Variants in RYR3 observed in about 807,000 individuals in gnomAD.
RYR3 encodes the protein brain ryanodine receptor-calcium release channel.
A neutral mutation model predicts 584.3 loss-of-function variants in RYR3; 207 were observed. That is an observed-to-expected ratio of 0.35 (90% CI 0.32 to 0.40). The LOEUF is 0.40. Among genes scored for constraint, RYR3 ranks in the 10% least tolerant of loss-of-function variants. RYR3 has a pLI of 1.00. For synonymous variants in RYR3, 2,416 were observed against 2,248.5 expected (o/e 1.07, Z -2.11); for missense variants, 5,616 against 6,089.2 (o/e 0.92, Z 2.59).
Position 33,826,659 on chromosome 15 carries a change from C to T in RYR3, c.11165-13C>T. On this transcript the variant is annotated splice_polypyrimidine_tract_variant and intron_variant, in intron 83 of 103. Transcript: ENST00000634891. ...AGCCAAACCAATGCTCATCAACGTT[C>T]TGTGTTTTCAAGGTGAAAAAGTACT... 6.2e-7 allele frequency: 1 copy of T among 1,608,572 alleles called. No individual in the cohort carries two copies. Among genetic ancestry groups the T allele is most frequent in the Non-Finnish European group, 8.5e-7 (1 of 1,174,980 alleles).
chr15:33,550,006 C>T (rs547076415), intron 9 of RYR3, among the ~76,000 whole-genome samples, 154 bp from the exon 10 acceptor site: 1 of 152,316 alleles, frequency 6.6e-6, no homozygotes, highest in Non-Finnish European at 1.5e-5. Flanking sequence ...GACATGAAAT[C>T]CTACAGCAAG....
intron 100 of RYR3, among the ~76,000 whole-genome samples, chr15:33,860,051 A>G (rs963670016): frequency 1.3e-5 from 2 of 152,092 alleles, no homozygotes; most frequent in Middle Eastern, 3.2e-3. Flanking sequence ...TTTTCTTCCC[A>G]GAGAGGGAGG....
chr15:33,509,623 T>C (rs1350500434), intron 3 of RYR3, among the ~76,000 whole-genome samples: 2 of 152,192 alleles, frequency 1.3e-5, no homozygotes, highest in African/African-American at 4.8e-5. Context: ...TTCATAAGAT[T>C]TCCTTTTTAA....
chr15:33,595,743 C>T (rs534763803), intron 16 of RYR3, among the ~76,000 whole-genome samples: 1 of 152,176 alleles, frequency 6.6e-6, no homozygotes, highest in East Asian at 1.9e-4. Context: ...GGAGTTAGAG[C>T]CCTGTAACTC....
rs191037989 is a variant in RYR3 at position 33,560,614 on chromosome 15, C to T, written c.973-2223C>T. 5.8e-4 allele frequency among the ~76,000 whole-genome samples: 89 copies of T among 152,150 alleles called. 1 individual carries two copies. Among genetic ancestry groups the T allele is most frequent in the African/African-American group, 1.6e-3 (65 of 41,514 alleles). ...AGTTGTGGTGTGCATAATTTTTAAGCACTGCATTAGCTATGGTTAGAGAGC... is the reference window on the plus strand; with the variant it reads ...AGTTGTGGTGTGCATAATTTTTAAGTACTGCATTAGCTATGGTTAGAGAGC... On this transcript the variant is annotated intron_variant, in intron 10 of 103. Coordinates refer to ENST00000634891, the MANE Select transcript of RYR3 (RefSeq NM_001036.6).
Position 33,631,264 on chromosome 15 carries a change from G to C in RYR3, c.2838G>C (p.Glu946Asp), listed in dbSNP as rs1418085121. 1 of 1,589,360 alleles carries C rather than the reference G, an allele frequency of 6.3e-7. No homozygotes were observed. Among genetic ancestry groups the C allele is most frequent in the African/African-American group, 1.3e-5 (1 of 74,504 alleles). Residue 946 changes from glutamate to aspartate, a missense_variant, in exon 23 of 104, where the codon GAG becomes GAC. By Grantham distance (45) the Glu-to-Asp change is conservative. Around this residue, in one of 9 missense-constraint regions of RYR3, gnomAD observed 1,284 missense variants for 1,344.6 expected, o/e 0.95. Transcript: ENST00000634891. ...CTCATGTTAACCCAGCTGCTGAGGA[G>C]GATCTCAAGAAGGTCAAACTGCCCA... is the stretch of plus-strand genomic sequence containing the variant. ...HIAHVNPAAE[E>D]DLKKVKLPKN...
chr15:33,598,392 GTTTT>G (rs1179541238), intron 16 of RYR3, among the ~76,000 whole-genome samples: 1 of 147,158 alleles, frequency 6.8e-6, no homozygotes, highest in Non-Finnish European at 1.5e-5. Flanking sequence ...CTTTAAAAAA[GTTTT>G]TTTTTAAATC....
chr15:33,701,197 T>A, intron 42 of RYR3, 117 bp downstream of exon 42: 2 of 649,790 alleles, frequency 3.1e-6, no homozygotes, highest in Non-Finnish European at 2.7e-6. Context: ...TTGGTGGGCT[T>A]GTAGGGAAAG....
At chr15:33,808,848 C>T (rs114566845) in intron 70 of RYR3, among the ~76,000 whole-genome samples, 4,724 of 152,204 alleles carry the variant, frequency 0.031, 245 homozygotes, top group African/African-American at 0.11. Flanking sequence ...ACTGCCCCTC[C>T]CACTGCTGTC....
chr15:33,722,855 C>G lies in RYR3; in HGVS notation c.6760C>G (p.Pro2254Ala), dbSNP rs2068049390. Residue 2254 changes from proline (P) to alanine (A), a missense_variant, in exon 44 of 104, where the codon CCA becomes GCA. Pro to Ala is a conservative substitution (Grantham distance 27). Around this residue, in one of 9 missense-constraint regions of RYR3, gnomAD observed 1,280 missense variants for 1,426.2 expected, o/e 0.90. Transcript: ENST00000634891. ...MQGAIKISEN[P>A]ALDLPSQGYK... ...GGGTGCCATTAAGATCTCTGAGAAC[C>G]CAGCGCTCGACCTCCCCTCTCAAGG... is the stretch of plus-strand genomic sequence containing the variant. 1.9e-6 allele frequency: 3 copies of G among 1,600,920 alleles called. No homozygotes were observed. The African/African-American group carries it at 4.1e-5, about 22-fold the overall frequency.
intron 1 of RYR3, among the ~76,000 whole-genome samples, chr15:33,426,337 G>A (rs1172372346): frequency 6.6e-6 from 1 of 152,064 alleles, no homozygotes; most frequent in African/African-American, 2.4e-5. Context: ...TGGTCCTTTG[G>A]TACTCTTCAG....
At chr15:33,373,619 A>G (rs1408935438) in intron 1 of RYR3, among the ~76,000 whole-genome samples, 1 of 152,170 alleles carries the variant, frequency 6.6e-6, no homozygotes, top group Non-Finnish European at 1.5e-5. Context: ...GATTTTAAAA[A>G]TTGTTTGTTT....
chr15:33,526,043 A>G (rs776101620), intron 3 of RYR3, among the ~76,000 whole-genome samples: 9 of 152,148 alleles, frequency 5.9e-5, no homozygotes, highest in Non-Finnish European at 1.3e-4. Flanking sequence ...AAGATTTCTT[A>G]TTGCCTGGGA....
At chr15:33,702,450 G>A (rs890351581) in intron 42 of RYR3, among the ~76,000 whole-genome samples, 4 of 152,158 alleles carry the variant, frequency 2.6e-5, no homozygotes, top group Admixed American at 1.3e-4. Flanking sequence ...CCAGGGGACC[G>A]ATCTATCACA....
intron 67 of RYR3, among the ~76,000 whole-genome samples, chr15:33,797,267 C>T (rs1212739609): frequency 6.6e-6 from 1 of 152,132 alleles, no homozygotes; most frequent in Non-Finnish European, 1.5e-5. Flanking sequence ...CTTTTGGCAG[C>T]AAGCACTGCA....
intron 1 of RYR3, among the ~76,000 whole-genome samples, chr15:33,442,328 A>G (rs2046295438): frequency 6.6e-6 from 1 of 152,226 alleles, no homozygotes; most frequent in South Asian, 2.1e-4. Flanking sequence ...GTTTTATGGT[A>G]TCTCACTTTG....
intron 11 of RYR3, among the ~76,000 whole-genome samples, chr15:33,566,266 T>C (rs964155979): frequency 3.9e-5 from 6 of 152,214 alleles, no homozygotes; most frequent in Non-Finnish European, 8.8e-5. Flanking sequence ...GAATTTTGCT[T>C]TAAATTGTCT....
At chr15:33,464,802 C>G (rs1050103211) in intron 1 of RYR3, among the ~76,000 whole-genome samples, 6 of 151,912 alleles carry the variant, frequency 3.9e-5, no homozygotes, top group Non-Finnish European at 8.8e-5. Flanking sequence ...GTATTGTCAA[C>G]TAGAGTCACC....
At chr15:33,689,279 G>A (rs934658071) in intron 38 of RYR3, among the ~76,000 whole-genome samples, 37 of 151,480 alleles carry the variant, frequency 2.4e-4, no homozygotes, top group South Asian at 8.4e-4. Context: ...TAAATGACGA[G>A]TTGATGGGTG....
Sources: gnomAD v4.1 joint callset for allele counts (sites outside exome capture counted in the v4.1 genomes callset) on GRCh38, gnomAD v4.1.1 for gene constraint, gnomAD v4.1.1 regional missense constraint, MANE v1.5 for transcripts, NCBI Gene and HGNC (gene_info 2026-07-23, HGNC 2026-07-21) for gene names.